The following PTPRD variants were observed in gnomAD, a reference collection of about 807,000 sequenced individuals.
PTPRD encodes receptor-type tyrosine-protein phosphatase delta.
Under a neutral mutation model 214.5 loss-of-function variants are expected in PTPRD, and 34 were observed. That is an observed-to-expected ratio of 0.16 (90% CI 0.12 to 0.21). The LOEUF (loss-of-function observed/expected upper bound fraction) is 0.21, where lower values mean the gene tolerates loss of function less well. Ranked by LOEUF, PTPRD falls within the 10% of genes least tolerant of loss-of-function variation. The pLI is 1.00. For synonymous variants in PTPRD, 1,128 were observed against 845.7 expected (o/e 1.33, Z -5.79); for missense variants, 2,545 against 2,398.7 (o/e 1.06, Z -1.27).
chr9:9,049,533 G>C (rs898891808), intron 10 of PTPRD, among the ~76,000 whole-genome samples: 80 of 152,148 alleles, frequency 5.3e-4, no homozygotes, highest in African/African-American at 1.9e-3. Context: ...TTGAGCTTAT[G>C]GGATGTGGAG....
intron 3 of PTPRD, among the ~76,000 whole-genome samples, chr9:10,183,243 A>G (rs2099311101): frequency 6.6e-6 from 1 of 152,154 alleles, no homozygotes; most frequent in Admixed American, 6.6e-5. Flanking sequence ...AATATATTAG[A>G]ATGGGTACCT....
chr9:8,512,876 A>G (rs2137993573), intron 21 of PTPRD, among the ~76,000 whole-genome samples: 1 of 152,090 alleles, frequency 6.6e-6, no homozygotes, highest in African/African-American at 2.4e-5. Flanking sequence ...ATTAGGTTTG[A>G]GATTTAACTT....
intron 8 of PTPRD, among the ~76,000 whole-genome samples, chr9:9,419,310 G>T (rs2077980762): frequency 6.6e-6 from 1 of 151,474 alleles, no homozygotes; most frequent in Non-Finnish European, 1.5e-5. Context: ...ATTTAATCAA[G>T]CTATTTCTAA....
intron 7 of PTPRD, among the ~76,000 whole-genome samples, chr9:9,687,646 A>T (rs1300522955): frequency 6.6e-6 from 1 of 151,778 alleles, no homozygotes; most frequent in Non-Finnish European, 1.5e-5. Context: ...GAAAAAAAAA[A>T]GATTATGCAA....
At chr9:8,929,809 GTATATATA>G (rs757820164) in intron 11 of PTPRD, among the ~76,000 whole-genome samples, 1 of 100,142 alleles carries the variant, frequency 1.0e-5, no homozygotes, top group African/African-American at 3.4e-5. Context: ...GTATATATGT[GTATATATA>G]TGTGTATATA....
At chr9:9,462,787 T>C (rs2093777978) in intron 8 of PTPRD, among the ~76,000 whole-genome samples, 1 of 152,084 alleles carries the variant, frequency 6.6e-6, no homozygotes, top group African/African-American at 2.4e-5. Flanking sequence ...TGGCAGATGA[T>C]CAATAGAGAT....
intron 3 of PTPRD, among the ~76,000 whole-genome samples, chr9:10,283,763 T>C (rs578218381): frequency 3.9e-5 from 6 of 152,344 alleles, no homozygotes; most frequent in Non-Finnish European, 7.3e-5. Flanking sequence ...TTTAGGTTTG[T>C]GTATTTTCTG....
intron 5 of PTPRD, among the ~76,000 whole-genome samples, chr9:9,773,684 TAAAG>T (rs905468996): frequency 1.3e-5 from 2 of 152,190 alleles, no homozygotes; most frequent in African/African-American, 2.4e-5. Flanking sequence ...TTTTTACAAA[TAAAG>T]AAAGCATTGT....
intron 8 of PTPRD, among the ~76,000 whole-genome samples, chr9:9,525,168 T>G (rs1261086670): frequency 6.6e-6 from 1 of 152,142 alleles, no homozygotes; most frequent in Non-Finnish European, 1.5e-5. Context: ...TAACAGGAGT[T>G]TTTATAGAAA....
At chr9:9,923,123 G>GTGTGTGTGTGTGTGTGTGTGT (rs1555340190) in intron 5 of PTPRD, among the ~76,000 whole-genome samples, 2 of 144,960 alleles carry the variant, frequency 1.4e-5, no homozygotes, top group Admixed American at 6.9e-5. Flanking sequence ...GTGTGTGGGG[G>GTGTGTGTGTGTGTGTGTGTGT]GTGTGTGTGT....
intron 3 of PTPRD, among the ~76,000 whole-genome samples, chr9:10,103,832 A>G (rs1223594378): frequency 6.6e-6 from 1 of 151,708 alleles, no homozygotes; most frequent in African/African-American, 2.4e-5. Context: ...AGAAAAATTA[A>G]AAGTGGAGTT....
intron 7 of PTPRD, among the ~76,000 whole-genome samples, chr9:9,715,434 T>G (rs886616552): frequency 1.3e-5 from 2 of 152,054 alleles, no homozygotes; most frequent in Non-Finnish European, 2.9e-5. Flanking sequence ...ACATTAGTGA[T>G]AGAAAGCCGT....
chr9:10,113,790 C>T (rs559997669), intron 3 of PTPRD, among the ~76,000 whole-genome samples: 2 of 152,246 alleles, frequency 1.3e-5, no homozygotes, highest in Admixed American at 1.3e-4. Context: ...AGCAGTGGGG[C>T]CTGTGATTCT....
intron 10 of PTPRD, among the ~76,000 whole-genome samples, chr9:9,150,433 A>C (rs1399040249): frequency 1.4e-5 from 2 of 147,342 alleles, no homozygotes; most frequent in South Asian, 4.2e-4. Flanking sequence ...ATAATATATT[A>C]TATATAATAT....
chr9:9,053,486 G>A (rs1012492520), intron 10 of PTPRD, among the ~76,000 whole-genome samples: 11 of 151,964 alleles, frequency 7.2e-5, no homozygotes, highest in Non-Finnish European at 1.6e-4. Context: ...GATGTATTTT[G>A]AATTTCCTGA....
At chr9:10,511,918 GTA>G (rs200167913) in intron 2 of PTPRD, among the ~76,000 whole-genome samples, 33,583 of 103,208 alleles carry the variant, frequency 0.33, 5,277 homozygotes, top group Middle Eastern at 0.42. Flanking sequence ...ATATATACGT[GTA>G]TATATATATA....
At chr9:8,896,052 C>G (rs1210108401) in intron 11 of PTPRD, among the ~76,000 whole-genome samples, 1 of 152,122 alleles carries the variant, frequency 6.6e-6, no homozygotes, top group Non-Finnish European at 1.5e-5. Context: ...ATTTCATTTC[C>G]TATCTTTTTT....
intron 12 of PTPRD, among the ~76,000 whole-genome samples, chr9:8,711,546 C>T (rs2098332570): frequency 6.6e-6 from 1 of 152,064 alleles, no homozygotes; most frequent in Admixed American, 6.6e-5. Context: ...AAAAACCCTT[C>T]GAGAGCTCAT....
intron 5 of PTPRD, among the ~76,000 whole-genome samples, chr9:9,813,826 C>G (rs987693902): frequency 6.6e-6 from 1 of 152,026 alleles, no homozygotes; most frequent in Admixed American, 6.6e-5. Flanking sequence ...TATAGACCAA[C>G]ATTTCTGATG....
Sources: allele counts gnomAD v4.1 joint callset (sites outside exome capture counted in the v4.1 genomes callset), GRCh38; gene constraint gnomAD v4.1.1; transcripts MANE v1.5; gene names NCBI Gene and HGNC (gene_info 2026-07-23, HGNC 2026-07-21).